Variants in LZTR1 observed in about 807,000 individuals in gnomAD.
LZTR1 encodes leucine zipper like post translational regulator 1, also known as leucine-zipper-like transcriptional regulator 1.
LZTR1 carries 260 observed loss-of-function variants against 105.7 expected under a neutral mutation model. That is an observed-to-expected ratio of 2.46 (90% CI 2.22 to 2.72). The LOEUF (loss-of-function observed/expected upper bound fraction) is 2.72, where lower values mean the gene tolerates loss of function less well. LZTR1 is among the 30% of genes most tolerant of loss of function. The pLI is 0.00. For synonymous variants in LZTR1, 490 were observed against 476.4 expected (o/e 1.03, Z -0.37); for missense variants, 1,214 against 1,166.9 (o/e 1.04, Z -0.59).
At chr22:20,996,502 A>G (rs1362875221) in intron 18 of LZTR1, 194 bp from the exon 19 acceptor site, 4 of 608,320 alleles carry the variant, frequency 6.6e-6, no homozygotes, top group Admixed American at 2.9e-5. Context: ...TACAGACACT[A>G]TTTTTCTCGG....
At chr22:20,993,512 G>A (rs759555195) in intron 11 of LZTR1, 150 bp from the exon 12 acceptor site, 23 of 629,754 alleles carry the variant, frequency 3.7e-5, no homozygotes, top group Non-Finnish European at 6.0e-5. Flanking sequence ...GTGGGGTAGC[G>A]GCTGCTTCCT....
chr22:20,986,019 G>A, intron 3 of LZTR1, 122 bp downstream of exon 3: 3 of 1,064,436 alleles, frequency 2.8e-6, no homozygotes, highest in Non-Finnish European at 2.8e-6. Context: ...CTTCCAGGAG[G>A]AGATAACCAC....
In LZTR1 at chr22:20,994,167, CG is replaced by C; in HGVS notation, c.1515del (p.Pro506ArgfsTer50). ...CCCCGGCGTGGCTGCTGGTGGGGCC[CG>C]GCCGCCCCTGCTGCACGTGGCCATC... is the stretch of plus-strand genomic sequence containing the variant. ...EAPGVAAGGA[R>X]PPLLHVAIRE... is the part of the protein sequence containing the mutation. On this transcript the variant is annotated frameshift_variant, in exon 14 of 21. Transcript: ENST00000646124. LOFTEE classifies it high-confidence loss of function. The C allele has an allele frequency of 6.3e-7, 1 of 1,597,332 alleles. No individual in the cohort carries two copies. The highest frequency in any genetic ancestry group is 8.5e-7 in the Non-Finnish European group (1 of 1,173,816).
Position 20,996,794 on chromosome 22 carries a change from T to G in LZTR1, c.2318T>G (p.Val773Gly). The G allele has an allele frequency of 1.2e-6, 2 of 1,613,606 alleles. No individual in the cohort carries two copies. Among genetic ancestry groups the G allele is most frequent in the East Asian group, 2.2e-5 (1 of 44,868 alleles). ...GAGATGAACGTGACGGTGCAGAACG[T>G]GCTGCAGGTAGCCCCCCAGCCCCGT... is the stretch of plus-strand genomic sequence containing the variant. ...NLEMNVTVQN[V>G]LQILEAADKT... Residue 773 changes from valine to glycine, a missense_variant, in exon 19 of 21, where the codon GTG (valine) becomes GGG (glycine). By Grantham distance (109) the Val-to-Gly change is moderately radical (BLOSUM62 -3). Transcript: ENST00000646124.
chr22:20,989,252 A>G (rs1601718020), intron 6 of LZTR1, among the ~76,000 whole-genome samples: 1 of 152,200 alleles, frequency 6.6e-6, no homozygotes, highest in Non-Finnish European at 1.5e-5. Flanking sequence ...TCTGATCACA[A>G]AAGTAGCATA....
Position 20,993,958 on chromosome 22 carries a change from TCA to T in LZTR1, c.1391_1392del (p.Thr464SerfsTer204). On this transcript the variant is annotated frameshift_variant, in exon 13 of 21. Transcript: ENST00000646124. LOFTEE classifies it high-confidence loss of function. ...TGCGTGCAGGGCCACGTAGCCATTGTCACAGCGCGGAGCCGCTGGCTTCGCAG... is the reference window on the plus strand; with the variant it reads ...TGCGTGCAGGGCCACGTAGCCATTGTCAGCGCGGAGCCGCTGGCTTCGCAG... 1 of 1,612,832 alleles carries T rather than the reference TCA, an allele frequency of 6.2e-7. No individual in the cohort carries two copies. The highest frequency in any genetic ancestry group is 8.5e-7 in the Non-Finnish European group (1 of 1,179,920).
intron 10 of LZTR1, 85 bp from the exon 11 acceptor site, chr22:20,992,709 C>T (rs943468751): frequency 1.2e-5 from 11 of 899,284 alleles, no homozygotes; most frequent in Middle Eastern, 2.4e-4. Context: ...CATGAGGTGC[C>T]GCATCCTTGC....
At chr22:20,995,366 A>G in intron 16 of LZTR1, 1 of 611,814 alleles carries the variant, frequency 1.6e-6, no homozygotes. Context: ...GTAATGTCAC[A>G]GGCCCCTTCA....
Position 20,994,644 on chromosome 22 carries a change from C to T in LZTR1, c.1702C>T (p.Gln568Ter). Residue 568 changes from glutamine to a stop codon, truncating the protein, a stop_gained, in exon 15 of 21, where the codon CAG (glutamine) becomes TAG (stop). Transcript: ENST00000646124. LOFTEE classifies it high-confidence loss of function. ...QLCRLEQLCR[Q>*]YIEASVDLQN... ...GTGCCGCCTGGAGCAGCTGTGCCGC[C>T]AGTACATCGAGGCCTCCGTGGACCT... 1.9e-6 allele frequency: 3 copies of T among 1,612,936 alleles called. No homozygotes were observed. In the South Asian group the frequency reaches 3.3e-5, roughly 18 times the overall value.
intron 2 of LZTR1, 55 bp from the exon 3 acceptor site, chr22:20,985,786 G>C: frequency 6.4e-7 from 1 of 1,551,034 alleles, no homozygotes; most frequent in Non-Finnish European, 8.9e-7. Flanking sequence ...CCATCTCTGG[G>C]GTCACTGCAG....
intron 5 of LZTR1, among the ~76,000 whole-genome samples, chr22:20,988,343 G>A (rs1229674221): frequency 1.3e-5 from 2 of 152,196 alleles, no homozygotes; most frequent in Non-Finnish European, 2.9e-5. Context: ...GGTGGCGCAT[G>A]CCTGTAGTCC....
rs761550191 is a variant in LZTR1 at position 20,994,234 on chromosome 22, T to C, written c.1580T>C (p.Phe527Ser). The C allele has an allele frequency of 1.3e-6, 2 of 1,599,802 alleles. No individual in the cohort carries two copies. Among genetic ancestry groups the C allele is most frequent in the South Asian group, 2.2e-5 (2 of 91,028 alleles). Residue 527 changes from phenylalanine to serine, a missense_variant, in exon 14 of 21, where the codon TTC (phenylalanine) becomes TCC (serine). Coordinates refer to ENST00000646124, the MANE Select transcript of LZTR1 (RefSeq NM_006767.4). ...CGGCCCTTCGAGGTGCTCATGCAGTTCCTCTACACCGACAAGATCAAATAC... is the reference window on the plus strand; with the variant it reads ...CGGCCCTTCGAGGTGCTCATGCAGTCCCTCTACACCGACAAGATCAAATAC... ...EARPFEVLMQ[F>S]LYTDKIKYPR... is the part of the protein sequence containing the mutation.
At chr22:20,993,550 G>A (rs1343508767) in intron 11 of LZTR1, 112 bp from the exon 12 acceptor site, 2 of 825,230 alleles carry the variant, frequency 2.4e-6, no homozygotes, top group Admixed American at 2.2e-5. Flanking sequence ...CCTGCCTCCT[G>A]GGCCCTGAGG....
rs1442499528 is a variant in LZTR1 at position 20,998,897 on chromosome 22, C to G, written c.*1549C>G. The stretch of plus-strand genomic sequence containing the variant: ...ACCCACAGGGCAGCCTCCTCCAAAT[C>G]CCTCCTGGAGGGGCCTACCCAGAAG... On this transcript the variant is annotated 3_prime_UTR_variant, in exon 21 of 21. Coordinates refer to ENST00000646124, the MANE Select transcript of LZTR1 (RefSeq NM_006767.4). 2 of 152,306 alleles carry G rather than the reference C, an allele frequency of 1.3e-5. No homozygotes were observed. Among genetic ancestry groups the G allele is most frequent in the Non-Finnish European group, 2.9e-5 (2 of 68,106 alleles). The allele number at this position is 152,306 out of a possible 1,614,324, so 9.4% of individuals were successfully genotyped here. A position where few individuals can be genotyped will look rare whatever the true frequency, so the allele number is the denominator to read the frequency against.
At chr22:20,996,610 G>A (rs1015538321) in intron 18 of LZTR1, 86 bp from the exon 19 acceptor site, 3 of 1,085,834 alleles carry the variant, frequency 2.8e-6, no homozygotes, top group Non-Finnish European at 4.2e-6. Flanking sequence ...GGGGGCTTGG[G>A]GCTCCAGCTG....
chr22:20,982,685 G>A (rs1199875704), intron 1 of LZTR1, 114 bp downstream of exon 1: 67 of 1,031,422 alleles, frequency 6.5e-5, no homozygotes, highest in Non-Finnish European at 9.1e-5. Flanking sequence ...CTGGTAATGA[G>A]GTGGATGGTG....
intron 16 of LZTR1, 83 bp from the exon 17 acceptor site, chr22:20,995,663 G>A: frequency 6.5e-7 from 1 of 1,534,778 alleles, no homozygotes; most frequent in Non-Finnish European, 8.9e-7. Context: ...AGCAACATGG[G>A]CAGATATGCA....
Position 20,995,038 on chromosome 22 carries a change from C to T in LZTR1, c.1942+12C>T, listed in dbSNP as rs751231688. 5 of 1,599,208 alleles carry T rather than the reference C, an allele frequency of 3.1e-6. No homozygotes were observed. The highest frequency in any genetic ancestry group is 1.3e-5 in the African/African-American group (1 of 74,766). ...GCCAGTGGACATTGGTAGGGAGCCC[C>T]GTTCCCCTTCCCTGGGGGCTGGGAG... On this transcript the variant is annotated intron_variant, in intron 16 of 20. Coordinates refer to ENST00000646124, the MANE Select transcript of LZTR1 (RefSeq NM_006767.4).
At chr22:20,990,019 G>A (rs1924546194) in intron 7 of LZTR1, among the ~76,000 whole-genome samples, 1 of 152,208 alleles carries the variant, frequency 6.6e-6, no homozygotes, top group South Asian at 2.1e-4. Flanking sequence ...TTTCAGTGCA[G>A]TGAGGGCCGT....
Sources: gnomAD v4.1 joint callset for allele counts (sites outside exome capture counted in the v4.1 genomes callset) on GRCh38, gnomAD v4.1.1 for gene constraint, MANE v1.5 for transcripts, NCBI Gene and HGNC (gene_info 2026-07-23, HGNC 2026-07-21) for gene names.